The following IL1RAPL2 variants were observed in gnomAD, a reference collection of about 807,000 sequenced individuals.
IL1RAPL2 encodes the protein interleukin 1 receptor accessory protein like 2.
Under a neutral mutation model 44.1 loss-of-function variants are expected in IL1RAPL2, and 3 were observed. The observed-to-expected ratio is 0.07, with a 90% CI of 0.03 to 0.18. IL1RAPL2 has a LOEUF of 0.18. Ranked by LOEUF, IL1RAPL2 falls within the 10% of genes least tolerant of loss-of-function variation. IL1RAPL2 has a pLI of 1.00. For missense variants in IL1RAPL2, 391 were observed against 496.4 expected (o/e 0.79, Z 2.02); for synonymous variants, 181 against 178.8 (o/e 1.01, Z -0.10).
intron 2 of IL1RAPL2, among the ~76,000 whole-genome samples, chrX:104,893,788 T>C (rs1332396285): frequency 9.0e-6 from 1 of 111,575 alleles, no homozygotes; most frequent in Non-Finnish European, 1.9e-5. Flanking sequence ...CCATTTACGT[T>C]TAAGGTTAAT....
At chrX:104,944,198 C>T (rs375658762) in intron 2 of IL1RAPL2, among the ~76,000 whole-genome samples, 1 of 111,778 alleles carries the variant, frequency 8.9e-6, no homozygotes, top group East Asian at 2.8e-4. Flanking sequence ...TTATCACTTT[C>T]TAAAAACATT....
At chrX:104,997,304 G>A (rs1276568462) in intron 2 of IL1RAPL2, among the ~76,000 whole-genome samples, 1 of 111,489 alleles carries the variant, frequency 9.0e-6, no homozygotes, top group African/African-American at 3.3e-5. Flanking sequence ...GGATATACTA[G>A]GATAAACAAA....
At chrX:105,583,714 A>C in intron 6 of IL1RAPL2, among the ~76,000 whole-genome samples, 1 of 111,592 alleles carries the variant, frequency 9.0e-6, no homozygotes, top group South Asian at 3.7e-4. Flanking sequence ...AATTTGTTTT[A>C]CTAATTTATT....
chrX:105,278,850 A>G (rs962998529), intron 5 of IL1RAPL2, among the ~76,000 whole-genome samples: 1 of 111,345 alleles, frequency 9.0e-6, no homozygotes, highest in Non-Finnish European at 1.9e-5. Context: ...GTCCTGCTCA[A>G]TACATGTCAC....
At chrX:105,595,602 GTTGT>G (rs749720909) in intron 6 of IL1RAPL2, among the ~76,000 whole-genome samples, 1,646 of 109,511 alleles carry the variant, frequency 0.015, 35 homozygotes, top group African/African-American at 0.051. Context: ...TTTTGTTGTT[GTTGT>G]TTGTTTGTTT....
intron 2 of IL1RAPL2, among the ~76,000 whole-genome samples, chrX:104,909,430 G>C (rs778925765): frequency 8.9e-6 from 1 of 111,973 alleles, no homozygotes; most frequent in South Asian, 3.7e-4. Context: ...CTGCTTTTTA[G>C]AGTTTCCAGT....
At chrX:104,877,717 T>C (rs1267206533) in intron 2 of IL1RAPL2, among the ~76,000 whole-genome samples, 1 of 111,594 alleles carries the variant, frequency 9.0e-6, no homozygotes, top group Admixed American at 9.6e-5. Context: ...CTATTAACCT[T>C]GAATCAATTG....
At chrX:105,146,024 C>A (rs930317462) in intron 2 of IL1RAPL2, among the ~76,000 whole-genome samples, 80 of 111,403 alleles carry the variant, frequency 7.2e-4, no homozygotes, top group Non-Finnish European at 4.9e-4. Context: ...CATGAAGACA[C>A]AGTGAGAAGG....
chrX:105,330,676 C>T (rs971269972), intron 5 of IL1RAPL2, among the ~76,000 whole-genome samples: 2 of 111,528 alleles, frequency 1.8e-5, no homozygotes, highest in African/African-American at 6.5e-5. Context: ...ATTAATAATC[C>T]TTCTTTCACG....
At chrX:105,484,422 T>C (rs1214514775) in intron 6 of IL1RAPL2, 35 bp downstream of exon 6, 1 of 988,125 alleles carries the variant, frequency 1.0e-6, no homozygotes, top group East Asian at 3.1e-5. Context: ...CTTCCTAAAC[T>C]TGCCCTCTGT....
At chrX:105,079,203 G>C (rs2032364306) in intron 2 of IL1RAPL2, among the ~76,000 whole-genome samples, 1 of 111,926 alleles carries the variant, frequency 8.9e-6, no homozygotes, top group Non-Finnish European at 1.9e-5. Flanking sequence ...AAATAGGAAT[G>C]CTTTTATACT....
intron 2 of IL1RAPL2, among the ~76,000 whole-genome samples, chrX:104,749,407 G>C (rs1030690249): frequency 9.0e-6 from 1 of 111,261 alleles, no homozygotes; most frequent in Middle Eastern, 4.6e-3. Context: ...GAGGGTTTCA[G>C]TTTATAGTCC....
intron 6 of IL1RAPL2, among the ~76,000 whole-genome samples, chrX:105,666,079 TG>T (rs1351343815): frequency 4.2e-4 from 31 of 74,112 alleles, no homozygotes; most frequent in African/African-American, 2.7e-3. Context: ...TTTTTAAAAA[TG>T]GGTTTTTTTT....
At chrX:104,918,978 T>C (rs773145978) in intron 2 of IL1RAPL2, among the ~76,000 whole-genome samples, 11 of 111,852 alleles carry the variant, frequency 9.8e-5, no homozygotes, top group Non-Finnish European at 1.5e-4. Context: ...ACCAAACTAC[T>C]GGAAAGAAGC....
chrX:104,975,734 G>A (rs1380811242), intron 2 of IL1RAPL2, among the ~76,000 whole-genome samples: 1 of 112,216 alleles, frequency 8.9e-6, no homozygotes. Flanking sequence ...AGGGGCCCCA[G>A]TACAGGGCCC....
chrX:105,716,738 A>G (rs776843205), intron 6 of IL1RAPL2, among the ~76,000 whole-genome samples: 4 of 112,213 alleles, frequency 3.6e-5, no homozygotes, highest in Non-Finnish European at 7.5e-5. Flanking sequence ...GAATAAACAA[A>G]TTTCTGTGTA....
chrX:105,766,797 G>GTT (rs200757081), intron 10 of IL1RAPL2, among the ~76,000 whole-genome samples, 167 bp from the exon 11 acceptor site: 2 of 101,124 alleles, frequency 2.0e-5, no homozygotes, highest in South Asian at 4.6e-4. Context: ...ATTATAAGCA[G>GTT]TTTTTTTTTT....
chrX:105,264,678 A>T (rs1275171728), intron 4 of IL1RAPL2, among the ~76,000 whole-genome samples: 1 of 112,094 alleles, frequency 8.9e-6, no homozygotes, highest in African/African-American at 3.2e-5. Context: ...CAAGAATGTA[A>T]TGAATAAACC....
intron 6 of IL1RAPL2, among the ~76,000 whole-genome samples, chrX:105,567,764 T>G (rs759364030): frequency 9.0e-6 from 1 of 111,516 alleles, no homozygotes; most frequent in African/African-American, 3.2e-5. Flanking sequence ...CCTGGAAAAT[T>G]TACGGACTTT....
Sources: allele counts gnomAD v4.1 joint callset (sites outside exome capture counted in the v4.1 genomes callset), GRCh38; gene constraint gnomAD v4.1.1; transcripts MANE v1.5; gene names NCBI Gene and HGNC (gene_info 2026-07-23, HGNC 2026-07-21).